Variants in ETNK1 observed in about 807,000 individuals in gnomAD.
ETNK1 encodes putative protein product of Nbla10396.
In ETNK1, 8 loss-of-function variants were observed where a neutral mutation model predicts 45.1. The observed-to-expected ratio is 0.18, with a 90% CI of 0.10 to 0.32. ETNK1 has a LOEUF of 0.32. Among genes scored for constraint, ETNK1 ranks in the 10% least tolerant of loss-of-function variants. The pLI, the probability that ETNK1 is intolerant of heterozygous loss-of-function variation, is 1.00. For synonymous variants in ETNK1, 152 were observed against 151.9 expected, an observed-to-expected ratio of 1.00 and a Z score of -0.01; for missense variants, 302 against 430.6, an observed-to-expected ratio of 0.70 and a Z score of 2.64.
intron 2 of ETNK1, among the ~76,000 whole-genome samples, chr12:22,653,493 G>C (rs965580137): frequency 6.6e-6 from 1 of 152,048 alleles, no homozygotes; most frequent in Non-Finnish European, 1.5e-5. Flanking sequence ...TGAACATGGG[G>C]TGTCTTTCTG....
intron 2 of ETNK1, among the ~76,000 whole-genome samples, chr12:22,654,949 A>G (rs1469906721): frequency 6.6e-6 from 1 of 152,144 alleles, no homozygotes; most frequent in African/African-American, 2.4e-5. Context: ...TGTGCATTCA[A>G]TCTTTCTATT....
chr12:22,625,949 C>A, intron 1 of ETNK1: 1 of 522,044 alleles, frequency 1.9e-6, no homozygotes, highest in Non-Finnish European at 3.7e-6. Context: ...TCGTCTACCT[C>A]CTCCCCTCCC....
At chr12:22,684,578 G>T in intron 7 of ETNK1, 22 bp downstream of exon 7, 1 of 1,413,942 alleles carries the variant, frequency 7.1e-7, no homozygotes, top group Non-Finnish European at 1.0e-6. Flanking sequence ...TTTATTATAT[G>T]ATTACATTGG....
At chr12:22,683,792 TAGA>T (rs1185654845) in intron 6 of ETNK1, among the ~76,000 whole-genome samples, 2 of 152,186 alleles carry the variant, frequency 1.3e-5, no homozygotes, top group African/African-American at 4.8e-5. Context: ...TGTTTCTACT[TAGA>T]ATATTTCTAG....
intron 5 of ETNK1, 27 bp downstream of exon 5, chr12:22,671,382 G>A: frequency 2.3e-6 from 3 of 1,303,454 alleles, no homozygotes; most frequent in Non-Finnish European, 3.3e-6. Context: ...AACTTATTTA[G>A]CTTTGAAACG....
chr12:22,662,335 A>G (rs1283103429), intron 4 of ETNK1, among the ~76,000 whole-genome samples: 3 of 115,802 alleles, frequency 2.6e-5, no homozygotes, highest in African/African-American at 1.0e-4. Flanking sequence ...TGATCCGCCC[A>G]CCTCGGCCTC....
chr12:22,674,490 A>G (rs536780750), intron 6 of ETNK1, among the ~76,000 whole-genome samples: 9 of 152,290 alleles, frequency 5.9e-5, no homozygotes, highest in African/African-American at 1.9e-4. Context: ...GTGTCCTGAA[A>G]TGTTCCTTTA....
intron 4 of ETNK1, among the ~76,000 whole-genome samples, chr12:22,668,093 T>C (rs1954072041): frequency 6.6e-6 from 1 of 152,208 alleles, no homozygotes; most frequent in African/African-American, 2.4e-5. Context: ...GTAGTAGTTC[T>C]TTACTTTTTA....
intron 1 of ETNK1, among the ~76,000 whole-genome samples, chr12:22,642,420 G>A (rs1186065416): frequency 6.6e-6 from 1 of 151,836 alleles, no homozygotes; most frequent in Non-Finnish European, 1.5e-5. Flanking sequence ...AATCTAGGTG[G>A]AAGGCAACAC....
At chr12:22,646,272 G>C (rs11046515) in intron 2 of ETNK1, among the ~76,000 whole-genome samples, 7,992 of 151,854 alleles carry the variant, frequency 0.053, 691 homozygotes, top group African/African-American at 0.18. Flanking sequence ...GGCAAGTTTT[G>C]ATTAACAAAA....
intron 1 of ETNK1, among the ~76,000 whole-genome samples, chr12:22,631,949 CATAA>C (rs1378459416): frequency 2.6e-5 from 4 of 151,988 alleles, no homozygotes; most frequent in Admixed American, 2.6e-4. Flanking sequence ...ATGGATGAAT[CATAA>C]ATTGTTGTAA....
intron 2 of ETNK1, among the ~76,000 whole-genome samples, chr12:22,647,872 GC>G (rs1198379738): frequency 6.6e-6 from 1 of 151,928 alleles, no homozygotes; most frequent in Non-Finnish European, 1.5e-5. Flanking sequence ...TTTTAAAGCA[GC>G]GTTTGACTTG....
intron 2 of ETNK1, among the ~76,000 whole-genome samples, chr12:22,653,571 T>A (rs1953904294): frequency 6.6e-6 from 1 of 152,180 alleles, no homozygotes; most frequent in African/African-American, 2.4e-5. Context: ...TTTCACCTCC[T>A]CAATTACGGT....
intron 6 of ETNK1, among the ~76,000 whole-genome samples, chr12:22,681,413 G>A (rs1954214599): frequency 6.6e-6 from 1 of 151,924 alleles, no homozygotes; most frequent in Non-Finnish European, 1.5e-5. Context: ...TTCCACTACA[G>A]AGCAAATTTA....
chr12:22,640,296 G>A (rs1379831040), intron 1 of ETNK1, among the ~76,000 whole-genome samples: 1 of 151,706 alleles, frequency 6.6e-6, no homozygotes, highest in Non-Finnish European at 1.5e-5. Context: ...AGGGATTAAA[G>A]TTTAACAGGA....
At position 22,685,279 on chromosome 12, in the gene ETNK1, TTC is replaced by T. The variant is rs967722806; in HGVS notation, c.*329_*330del. On this transcript the variant is annotated 3_prime_UTR_variant, in exon 8 of 8. Transcript: ENST00000266517. ...ACTTAGCACGATTCTGTGACTGTTT[TTC>T]TCTGTTTCACGTTCGTTGAGTGTAA... 1.6e-5 allele frequency: 3 copies of T among 188,718 alleles called. No homozygotes were observed. The highest frequency in any genetic ancestry group is 2.5e-4 in the East Asian group (2 of 7,860). The allele number at this position is 188,718 out of a possible 1,614,324, so 11.7% of individuals were successfully genotyped here. A position where few individuals can be genotyped will look rare whatever the true frequency, so the allele number is the denominator to read the frequency against.
At position 22,686,037 on chromosome 12, in the gene ETNK1, G is replaced by A. The variant is rs1007450297; in HGVS notation, c.*1083G>A. 9 of 152,200 alleles carry A rather than the reference G, an allele frequency of 5.9e-5. No individual in the cohort carries two copies. The highest frequency in any genetic ancestry group is 1.9e-4 in the East Asian group (1 of 5,194). 9.4% of individuals were successfully genotyped at this position (152,200 alleles called of 1,614,324 possible). A position where few individuals can be genotyped will look rare whatever the true frequency, so the allele number is the denominator to read the frequency against. On this transcript the variant is annotated 3_prime_UTR_variant, in exon 8 of 8. Transcript: ENST00000266517. ...ATTACTTGATACATGTAAGTTCAGC[G>A]TTATATGTTGAGGCAGTTATATAAT...
At chr12:22,651,821 G>A (rs1394367503) in intron 2 of ETNK1, among the ~76,000 whole-genome samples, 2 of 151,664 alleles carry the variant, frequency 1.3e-5, no homozygotes, top group Non-Finnish European at 2.9e-5. Flanking sequence ...GAGTAGCTGG[G>A]ACTATAGGTG....
chr12:22,657,992 T>C (rs953773360), intron 2 of ETNK1, among the ~76,000 whole-genome samples: 2 of 152,212 alleles, frequency 1.3e-5, no homozygotes, highest in Non-Finnish European at 2.9e-5. Flanking sequence ...TCAAATGTTT[T>C]TGCATATTAA....
Sources: gnomAD v4.1 joint callset for allele counts (sites outside exome capture counted in the v4.1 genomes callset) on GRCh38, gnomAD v4.1.1 for gene constraint, MANE v1.5 for transcripts, NCBI Gene and HGNC (gene_info 2026-07-23, HGNC 2026-07-21) for gene names.